NEBL: variants seen among roughly 807,000 people sequenced by gnomAD.
NEBL encodes the protein nebulette, also known as LIM and SH3 protein 2.
Under a neutral mutation model 140.2 loss-of-function variants are expected in NEBL, and 122 were observed. The observed-to-expected ratio is 0.87, with a 90% CI of 0.75 to 1.01. The LOEUF (loss-of-function observed/expected upper bound fraction) is 1.01, where lower values mean the gene tolerates loss of function less well. Ranked by LOEUF, NEBL falls within the 50% of genes least tolerant of loss-of-function variation. The pLI, the probability that NEBL is intolerant of heterozygous loss-of-function variation, is 0.00. For missense variants in NEBL, 1,365 were observed against 1,231.3 expected (o/e 1.11, Z -1.62); for synonymous variants, 436 against 398.9 (o/e 1.09, Z -1.11).
chr10:20,843,709 T>C (rs1006989415), intron 12 of NEBL, among the ~76,000 whole-genome samples: 2 of 152,132 alleles, frequency 1.3e-5, no homozygotes, highest in East Asian at 3.8e-4. Context: ...AGTTGACACA[T>C]AATTGTACAT....
At chr10:20,824,475 T>A (rs1839647301) in intron 18 of NEBL, among the ~76,000 whole-genome samples, 1 of 152,128 alleles carries the variant, frequency 6.6e-6, no homozygotes, top group Non-Finnish European at 1.5e-5. Flanking sequence ...TAAATAAAAT[T>A]CAAAAATAGT....
At chr10:21,150,265 T>C (rs531504336) in intron 2 of NEBL, among the ~76,000 whole-genome samples, 64 of 152,366 alleles carry the variant, frequency 4.2e-4, no homozygotes, top group African/African-American at 1.5e-3. Flanking sequence ...TAAGGATTTA[T>C]ATCGAACGGT....
At chr10:21,122,088 C>T (rs1039952592) in intron 2 of NEBL, among the ~76,000 whole-genome samples, 3 of 151,932 alleles carry the variant, frequency 2.0e-5, no homozygotes, top group Non-Finnish European at 2.9e-5. Flanking sequence ...TGCAGTGGCA[C>T]GATCTCGGCT....
intron 2 of NEBL, chr10:21,126,113 C>T (rs1838819094): frequency 1.9e-6 from 3 of 1,609,772 alleles, no homozygotes; most frequent in South Asian, 1.1e-5. Flanking sequence ...CTCCGTTCTG[C>T]CTTACCAGGC....
chr10:21,196,574 A>C (rs1841655965), intron 3 of NEBL, among the ~76,000 whole-genome samples: 1 of 150,498 alleles, frequency 6.6e-6, no homozygotes, highest in Non-Finnish European at 1.5e-5. Context: ...CGAACTCCTG[A>C]CCTCCAGTGA....
At chr10:20,839,742 G>C (rs1285952644) in intron 13 of NEBL, among the ~76,000 whole-genome samples, 1 of 152,138 alleles carries the variant, frequency 6.6e-6, no homozygotes, top group Non-Finnish European at 1.5e-5. Flanking sequence ...CAGACACAAT[G>C]ATTATGCCAG....
At chr10:20,863,998 G>A (rs1233426886) in intron 7 of NEBL, among the ~76,000 whole-genome samples, 1 of 152,074 alleles carries the variant, frequency 6.6e-6, no homozygotes, top group Admixed American at 6.6e-5. Context: ...GCAATTTAAG[G>A]CCACTGCTTA....
At chr10:21,281,420 C>T (rs1842992437) in intron 1 of NEBL, among the ~76,000 whole-genome samples, 1 of 152,038 alleles carries the variant, frequency 6.6e-6, no homozygotes, top group African/African-American at 2.4e-5. Flanking sequence ...CCTCAGCCTC[C>T]CAACTCGCTG....
intron 4 of NEBL, among the ~76,000 whole-genome samples, chr10:20,887,649 T>C (rs1160477146): frequency 6.6e-6 from 1 of 152,130 alleles, no homozygotes; most frequent in Non-Finnish European, 1.5e-5. Flanking sequence ...ACTCCTGAGC[T>C]CAAGCATTCT....
At chr10:20,824,300 AT>A (rs1417978528) in intron 18 of NEBL, among the ~76,000 whole-genome samples, 1 of 152,174 alleles carries the variant, frequency 6.6e-6, no homozygotes, top group Non-Finnish European at 1.5e-5. Flanking sequence ...AATGTTTAAA[AT>A]GATTAAGGGT....
chr10:21,012,476 C>T (rs1838378562), intron 3 of NEBL, among the ~76,000 whole-genome samples: 1 of 152,188 alleles, frequency 6.6e-6, no homozygotes, highest in African/African-American at 2.4e-5. Flanking sequence ...CCTTCTGCCT[C>T]AGCCTCCTAA....
At chr10:20,895,691 G>T (rs2131403255) in intron 2 of NEBL, among the ~76,000 whole-genome samples, 1 of 152,156 alleles carries the variant, frequency 6.6e-6, no homozygotes, top group East Asian at 1.9e-4. Context: ...TAATTTAAAG[G>T]GTAATTACAT....
Position 20,817,762 on chromosome 10 carries a change from G to C in NEBL, c.2056-70C>G, listed in dbSNP as rs1008764458. ...CCACTGAAATACCACAAAGGACAAG[G>C]CTCAAAATTAGCACCATCTTTTTAC... On this transcript the variant is annotated intron_variant, in intron 20 of 27. Coordinates refer to ENST00000377122, the MANE Select transcript of NEBL (RefSeq NM_006393.3). 33 of 1,246,376 alleles carry C rather than the reference G, an allele frequency of 2.6e-5. No homozygotes were observed. In the Middle Eastern group the frequency reaches 9.2e-4, roughly 35 times the overall value. 77.2% of individuals were successfully genotyped at this position (1,246,376 alleles called of 1,614,324 possible).
chr10:20,782,718 G>C lies in NEBL; in HGVS notation c.*3029C>G, dbSNP rs1293418659. ...TCATCAAGAGCCTCCTCCATGGGCA[G>C]TTGATAACCAAATAAATATTTCAAA... is the stretch of plus-strand genomic sequence containing the variant. On this transcript the variant is annotated 3_prime_UTR_variant, in exon 28 of 28. Transcript: ENST00000377122. 1 of 152,174 alleles carries C rather than the reference G, an allele frequency of 6.6e-6. No homozygotes were observed. The highest frequency in any genetic ancestry group is 6.5e-5 in the Admixed American group (1 of 15,274). 9.4% of individuals were successfully genotyped at this position (152,174 alleles called of 1,614,324 possible). A position where few individuals can be genotyped will look rare whatever the true frequency, so the allele number is the denominator to read the frequency against.
At chr10:20,944,796 A>C (rs1835075875) in intron 4 of NEBL, among the ~76,000 whole-genome samples, 1 of 152,218 alleles carries the variant, frequency 6.6e-6, no homozygotes, top group Non-Finnish European at 1.5e-5. Context: ...TTGCTTCGAC[A>C]TACAGAGATA....
chr10:20,859,162 T>A (rs1434572467), intron 8 of NEBL, among the ~76,000 whole-genome samples: 1 of 152,138 alleles, frequency 6.6e-6, no homozygotes, highest in Admixed American at 6.5e-5. Context: ...TATACTCTAA[T>A]TCTAACAAGA....
chr10:20,805,585 GC>G (rs1185107740), intron 26 of NEBL, among the ~76,000 whole-genome samples: 3 of 152,102 alleles, frequency 2.0e-5, no homozygotes, highest in African/African-American at 7.2e-5. Flanking sequence ...AGGCACAGTG[GC>G]TCATGTCTGT....
chr10:21,105,158 G>A (rs933340883), intron 2 of NEBL, among the ~76,000 whole-genome samples: 1 of 151,962 alleles, frequency 6.6e-6, no homozygotes, highest in African/African-American at 2.4e-5. Context: ...ACGTGTTCAT[G>A]AAGAATATTG....
At chr10:21,044,621 C>A (rs996774105) in intron 2 of NEBL, among the ~76,000 whole-genome samples, 3 of 152,122 alleles carry the variant, frequency 2.0e-5, no homozygotes, top group Admixed American at 6.5e-5. Flanking sequence ...TCCCACCACA[C>A]TGAGATTTCC....
Sources: gnomAD v4.1 joint callset for allele counts (sites outside exome capture counted in the v4.1 genomes callset) on GRCh38, gnomAD v4.1.1 for gene constraint, MANE v1.5 for transcripts, NCBI Gene and HGNC (gene_info 2026-07-23, HGNC 2026-07-21) for gene names.